PRKN: variants seen among roughly 807,000 people sequenced by gnomAD.
PRKN encodes parkin RBR E3 ubiquitin protein ligase, also known as E3 ubiquitin-protein ligase parkin.
Under a neutral mutation model 59.5 loss-of-function variants are expected in PRKN, and 56 were observed. That is an observed-to-expected ratio of 0.94 (90% CI 0.76 to 1.18). PRKN has a LOEUF of 1.18. Ranked by LOEUF, PRKN falls within the 50% of genes most tolerant of loss-of-function variation. The pLI is 0.00. For missense variants in PRKN, 657 were observed against 596.4 expected (o/e 1.10, Z -1.06); for synonymous variants, 250 against 222.1 (o/e 1.13, Z -1.12).
chr6:162,366,840 G>A (rs1046405635), intron 2 of PRKN, among the ~76,000 whole-genome samples: 7 of 152,020 alleles, frequency 4.6e-5, no homozygotes, highest in Non-Finnish European at 7.4e-5. Flanking sequence ...TGGAGGTTGC[G>A]GTGACTAGAG....
At chr6:161,676,954 C>A (rs898253132) in intron 7 of PRKN, among the ~76,000 whole-genome samples, 1 of 152,186 alleles carries the variant, frequency 6.6e-6, no homozygotes, top group Non-Finnish European at 1.5e-5. Context: ...GAGTAATCTG[C>A]GGTCTTTCAT....
chr6:161,629,911 C>T (rs1193613613), intron 7 of PRKN, among the ~76,000 whole-genome samples: 1 of 152,200 alleles, frequency 6.6e-6, no homozygotes, highest in Non-Finnish European at 1.5e-5. Flanking sequence ...TCTGCTTCCA[C>T]TCTGTGACAA....
chr6:161,629,792 A>G (rs1482708286), intron 7 of PRKN, among the ~76,000 whole-genome samples: 1 of 152,188 alleles, frequency 6.6e-6, no homozygotes, highest in Non-Finnish European at 1.5e-5. Flanking sequence ...AGTTAATGTG[A>G]GTGGAGCAGA....
intron 5 of PRKN, among the ~76,000 whole-genome samples, chr6:161,985,608 CA>C (rs1781406523): frequency 6.6e-6 from 1 of 152,332 alleles, no homozygotes; most frequent in East Asian, 1.9e-4. Flanking sequence ...TATTATTTTA[CA>C]TTTATTTCTA....
Position 161,456,414 on chromosome 6 carries a change from C to T in PRKN, c.1084-69537G>A, listed in dbSNP as rs1288696311. 2.0e-5 allele frequency among the ~76,000 whole-genome samples: 3 copies of T among 152,174 alleles called. No homozygotes were observed. Among genetic ancestry groups the T allele is most frequent in the Non-Finnish European group, 2.9e-5 (2 of 68,030 alleles). On this transcript the variant is annotated intron_variant, in intron 9 of 11. Transcript: ENST00000366898. This position sits in a 1 kb window ranked among gnomAD's most constrained non-coding sequence, Gnocchi z 4.8. ...AGTGGTTTGCCAGGGGCTCTCAGGC[C>T]TTTGGCCACAGACTGAAGGCTGCAC...
At chr6:161,453,923 G>C (rs904761509) in intron 9 of PRKN, among the ~76,000 whole-genome samples, 2 of 152,022 alleles carry the variant, frequency 1.3e-5, no homozygotes, top group Non-Finnish European at 2.9e-5. Flanking sequence ...CAGAGGGAAA[G>C]ATTAGTATCT....
At chr6:161,959,997 A>T (rs1158361330) in intron 6 of PRKN, among the ~76,000 whole-genome samples, 5 of 152,272 alleles carry the variant, frequency 3.3e-5, no homozygotes, top group African/African-American at 1.2e-4. Context: ...ACACCTACAG[A>T]CCTTCTGCAA....
At chr6:162,187,179 A>G (rs1359630750) in intron 4 of PRKN, among the ~76,000 whole-genome samples, 1 of 152,200 alleles carries the variant, frequency 6.6e-6, no homozygotes, top group East Asian at 1.9e-4. Context: ...AGACTCCAAC[A>G]GAGAAAATCG....
intron 2 of PRKN, among the ~76,000 whole-genome samples, chr6:162,284,504 G>A (rs940304573): frequency 2.6e-5 from 4 of 152,074 alleles, no homozygotes; most frequent in African/African-American, 4.8e-5. Context: ...GATTACAGGC[G>A]TGAGCCACCG....
chr6:162,491,724 C>A (rs1406659586), intron 1 of PRKN, among the ~76,000 whole-genome samples: 4 of 152,294 alleles, frequency 2.6e-5, no homozygotes, highest in Non-Finnish European at 5.9e-5. Context: ...TTCGTCACAG[C>A]TCCTTGGAAG....
At chr6:162,625,202 G>A (rs902623023) in intron 1 of PRKN, among the ~76,000 whole-genome samples, 1 of 152,184 alleles carries the variant, frequency 6.6e-6, no homozygotes. Flanking sequence ...GCAAACTCAC[G>A]ATGAGCGTGT....
intron 6 of PRKN, among the ~76,000 whole-genome samples, chr6:161,915,480 TC>T (rs1562387782): frequency 6.6e-6 from 1 of 152,194 alleles, no homozygotes; most frequent in Non-Finnish European, 1.5e-5. Context: ...GTTTTAATTT[TC>T]TTATCAAAAA....
At chr6:162,545,876 T>C (rs1418551690) in intron 1 of PRKN, among the ~76,000 whole-genome samples, 2 of 152,092 alleles carry the variant, frequency 1.3e-5, no homozygotes, top group Non-Finnish European at 2.9e-5. Context: ...CAAATGAATA[T>C]GGTGCTTCAA....
chr6:161,733,895 A>C (rs1787853165), intron 7 of PRKN, among the ~76,000 whole-genome samples: 1 of 148,772 alleles, frequency 6.7e-6, no homozygotes, highest in Non-Finnish European at 1.5e-5. Context: ...CCAAAAAATA[A>C]CTTTCATCTT....
At chr6:161,817,749 T>C (rs1300280789) in intron 6 of PRKN, among the ~76,000 whole-genome samples, 1 of 152,224 alleles carries the variant, frequency 6.6e-6, no homozygotes, top group Non-Finnish European at 1.5e-5. Flanking sequence ...AACAAAGAAC[T>C]GTGAACACAA....
chr6:162,121,774 A>G (rs1780925417), intron 4 of PRKN, among the ~76,000 whole-genome samples: 2 of 152,204 alleles, frequency 1.3e-5, no homozygotes, highest in Non-Finnish European at 2.9e-5. Context: ...CTGCTGGCTC[A>G]GCTCATACCT....
intron 1 of PRKN, among the ~76,000 whole-genome samples, chr6:162,537,312 C>T (rs565180628): frequency 3.3e-5 from 5 of 152,350 alleles, no homozygotes; most frequent in South Asian, 4.1e-4. Context: ...TGCCATCTCA[C>T]TAGCACCTCA....
rs971741024 is a variant in PRKN, at chr6:161,822,983, C to G, written c.735-37075G>C. On this transcript the variant is annotated intron_variant, in intron 6 of 11. Transcript: ENST00000366898. ...GATAGGGTTTTCTCTGTCACTCAGG[C>G]TGGAGTCCAGTGACATGAATGTGGC... Among the ~76,000 whole-genome samples, 3 of 152,212 alleles carry G rather than the reference C, an allele frequency of 2.0e-5. No homozygotes were observed. In the East Asian group the frequency reaches 5.8e-4, roughly 29 times the overall value.
At chr6:161,762,037 T>C (rs780762173) in intron 7 of PRKN, among the ~76,000 whole-genome samples, 1 of 152,116 alleles carries the variant, frequency 6.6e-6, no homozygotes, top group Non-Finnish European at 1.5e-5. Context: ...CATTCTCCAG[T>C]TGGCATAGAC....
Sources: allele counts gnomAD v4.1 joint callset (sites outside exome capture counted in the v4.1 genomes callset), GRCh38; gene constraint gnomAD v4.1.1; non-coding constraint Gnocchi (gnomAD v3.1); transcripts MANE v1.5; gene names NCBI Gene and HGNC (gene_info 2026-07-23, HGNC 2026-07-21).